Variants in SDK1 observed in about 807,000 individuals in gnomAD.
SDK1 encodes protein sidekick-1.
In SDK1, 157 loss-of-function variants were observed where a neutral mutation model predicts 245.5. That is an observed-to-expected ratio of 0.64 (90% CI 0.56 to 0.73). The LOEUF (loss-of-function observed/expected upper bound fraction) is 0.73. Ranked by LOEUF, SDK1 falls within the 30% of genes least tolerant of loss-of-function variation. SDK1 has a pLI of 0.00. For missense variants in SDK1, 3,583 were observed against 3,002.3 expected (o/e 1.19, Z -4.52); for synonymous variants, 1,647 against 1,278.5 (o/e 1.29, Z -6.15).
chr7:3,413,252 A>G (rs1171870329), intron 1 of SDK1, among the ~76,000 whole-genome samples: 4 of 152,234 alleles, frequency 2.6e-5, no homozygotes, highest in Admixed American at 2.6e-4. Context: ...ACAGTAGGGT[A>G]GAATAGCAAA....
chr7:3,819,285 A>G (rs1324965018), intron 4 of SDK1, among the ~76,000 whole-genome samples: 2 of 152,026 alleles, frequency 1.3e-5, no homozygotes, highest in African/African-American at 4.8e-5. Context: ...AAAAACTAAA[A>G]GAAAAAGATA....
At chr7:3,823,872 C>T (rs1779705201) in intron 5 of SDK1, among the ~76,000 whole-genome samples, 1 of 151,638 alleles carries the variant, frequency 6.6e-6, no homozygotes, top group Non-Finnish European at 1.5e-5. Flanking sequence ...TATTTTAATT[C>T]TTAGGAGAAC....
Position 3,627,136 on chromosome 7 carries a change from C to T in SDK1, c.458+7897C>T, listed in dbSNP as rs113745554. Among the ~76,000 whole-genome samples, 17 of 152,134 alleles carry T rather than the reference C, an allele frequency of 1.1e-4. 1 individual carries two copies. The highest frequency in any genetic ancestry group is 2.9e-4 in the African/African-American group (12 of 41,520). On this transcript the variant is annotated intron_variant, in intron 2 of 44. Transcript: ENST00000404826. The stretch of plus-strand genomic sequence containing the variant: ...TAGACACAGGGTTTCACTATGTTGC[C>T]GAGGCTCGTCTCAAACTCCTGGGCT...
At chr7:3,585,973 C>T (rs1027313573) in intron 1 of SDK1, among the ~76,000 whole-genome samples, 1 of 152,210 alleles carries the variant, frequency 6.6e-6, no homozygotes, top group Non-Finnish European at 1.5e-5. Flanking sequence ...CAGCAAAACA[C>T]TAATCAGCTT....
intron 2 of SDK1, among the ~76,000 whole-genome samples, chr7:3,622,963 T>G (rs945104321): frequency 6.6e-6 from 1 of 152,182 alleles, no homozygotes; most frequent in African/African-American, 2.4e-5. Context: ...AATTACTCTT[T>G]CATCTACTTC....
chr7:3,526,188 G>A (rs1264860061), intron 1 of SDK1, among the ~76,000 whole-genome samples: 4 of 151,798 alleles, frequency 2.6e-5, no homozygotes, highest in African/African-American at 7.3e-5. Flanking sequence ...AGCCGAGATC[G>A]CATCACTGAA....
At chr7:3,816,268 A>G (rs1238382064) in intron 4 of SDK1, among the ~76,000 whole-genome samples, 1 of 152,040 alleles carries the variant, frequency 6.6e-6, no homozygotes, top group Non-Finnish European at 1.5e-5. Flanking sequence ...AAGGAAAGAG[A>G]GACACAAAAA....
intron 1 of SDK1, among the ~76,000 whole-genome samples, chr7:3,433,478 C>G (rs1211914404): frequency 1.3e-5 from 2 of 151,784 alleles, no homozygotes; most frequent in Admixed American, 6.6e-5. Context: ...GGTTGGTAAA[C>G]TCTCCTCTTT....
intron 1 of SDK1, among the ~76,000 whole-genome samples, chr7:3,593,371 G>C (rs1005513255): frequency 6.6e-6 from 1 of 152,138 alleles, no homozygotes. Context: ...GGGATAGTAT[G>C]TGATGCACAT....
In SDK1 at chr7:3,493,253, A is replaced by G. The variant is rs118111085; in HGVS notation, c.299-125827A>G. Among the ~76,000 whole-genome samples, 278 of 152,276 alleles carry G rather than the reference A, an allele frequency of 1.8e-3. 11 individuals are homozygous for G. In the East Asian group the frequency reaches 0.05, roughly 27 times the overall value. On this transcript the variant is annotated intron_variant, in intron 1 of 44. Transcript: ENST00000404826. ...GGCGTCAACCACCATGCCTGGCTGA[A>G]GAGAAGATTTAGATATATGTCTGTC...
chr7:3,711,889 G>T (rs959100126), intron 4 of SDK1, among the ~76,000 whole-genome samples: 1 of 152,182 alleles, frequency 6.6e-6, no homozygotes, highest in Non-Finnish European at 1.5e-5. Context: ...TAGACTTCCA[G>T]GGGAAACATC....
At chr7:3,700,610 CAGAAA>C (rs1470152568) in intron 4 of SDK1, among the ~76,000 whole-genome samples, 1 of 151,912 alleles carries the variant, frequency 6.6e-6, no homozygotes, top group East Asian at 1.9e-4. Context: ...GTTCAAGTAA[CAGAAA>C]AGCAAAAAAG....
intron 17 of SDK1, among the ~76,000 whole-genome samples, chr7:4,028,470 A>G (rs1295681441): frequency 6.6e-6 from 1 of 152,160 alleles, no homozygotes; most frequent in Non-Finnish European, 1.5e-5. Context: ...GTCTCAGGAA[A>G]CTCTGGTGGT....
chr7:3,834,644 C>T (rs1779990347), intron 5 of SDK1, among the ~76,000 whole-genome samples: 1 of 152,134 alleles, frequency 6.6e-6, no homozygotes, highest in Non-Finnish European at 1.5e-5. Flanking sequence ...ATCAGTGCCC[C>T]CCAGGAAGAC....
chr7:4,268,020 A>G lies in SDK1; in HGVS notation c.*2636A>G. 1.0e-6 allele frequency: 1 copy of G among 985,484 alleles called. No individual in the cohort carries two copies. The highest frequency in any genetic ancestry group is 1.2e-6 in the Non-Finnish European group (1 of 829,926). The allele number at this position is 985,484 out of a possible 1,614,324, so 61.0% of individuals were successfully genotyped here. On this transcript the variant is annotated 3_prime_UTR_variant, in exon 45 of 45. Coordinates refer to ENST00000404826, the MANE Select transcript of SDK1 (RefSeq NM_152744.4). The stretch of plus-strand genomic sequence containing the variant: ...GGGAAGGAAAAGAAAATCACAGCCT[A>G]GGAAGATGGAGGTTGGATTTTAATC...
chr7:3,771,818 T>C (rs1780412473), intron 4 of SDK1, among the ~76,000 whole-genome samples: 1 of 152,140 alleles, frequency 6.6e-6, no homozygotes, highest in South Asian at 2.1e-4. Flanking sequence ...ATTGAGTACG[T>C]TCATATTGTT....
chr7:3,370,199 A>G (rs1177620645), intron 1 of SDK1, among the ~76,000 whole-genome samples: 1 of 152,202 alleles, frequency 6.6e-6, no homozygotes, highest in African/African-American at 2.4e-5. Flanking sequence ...AAGAGGTTTC[A>G]TGAATACATA....
intron 30 of SDK1, among the ~76,000 whole-genome samples, chr7:4,157,797 T>C (rs111400703): frequency 0.01 from 1,588 of 152,246 alleles, 11 homozygotes; most frequent in Non-Finnish European, 0.018. Context: ...TCAAAGGGGT[T>C]GCACTTGCCA....
chr7:3,759,378 A>G (rs1271497426), intron 4 of SDK1, among the ~76,000 whole-genome samples: 3 of 151,996 alleles, frequency 2.0e-5, no homozygotes, highest in Admixed American at 6.6e-5. Flanking sequence ...ATGTGTATGT[A>G]TTTTCTGAGG....
Sources: gnomAD v4.1 joint callset for allele counts (sites outside exome capture counted in the v4.1 genomes callset) on GRCh38, gnomAD v4.1.1 for gene constraint, MANE v1.5 for transcripts, NCBI Gene and HGNC (gene_info 2026-07-23, HGNC 2026-07-21) for gene names.